The following UTRN variants were observed in gnomAD, a reference collection of about 807,000 sequenced individuals.
UTRN encodes the protein utrophin, also known as dystrophin-related protein 1.
In UTRN, 283 loss-of-function variants were observed where a neutral mutation model predicts 463.9. The observed-to-expected ratio is 0.61, with a 90% CI of 0.55 to 0.67. The LOEUF is 0.67. Ranked by LOEUF, UTRN falls within the 30% of genes least tolerant of loss-of-function variation. The probability of loss-of-function intolerance (pLI) is 0.00; values close to 1 mark genes in which losing one functional copy is unlikely to be tolerated. For missense variants in UTRN, 3,922 were observed against 4,084.3 expected, an observed-to-expected ratio of 0.96 and a Z score of 1.08; for synonymous variants, 1,442 against 1,431.5, an observed-to-expected ratio of 1.01 and a Z score of -0.17.
At chr6:144,302,409 G>C (rs1055398001) in intron 2 of UTRN, among the ~76,000 whole-genome samples, 8 of 151,624 alleles carry the variant, frequency 5.3e-5, no homozygotes. Flanking sequence ...TACTTGGGAG[G>C]CTGAGGCAGG....
intron 51 of UTRN, among the ~76,000 whole-genome samples, chr6:144,678,168 C>T (rs1305846727): frequency 2.6e-5 from 4 of 152,004 alleles, no homozygotes; most frequent in Admixed American, 2.6e-4. Context: ...CTTTAAATTT[C>T]ATATGGAACC....
At chr6:144,557,100 A>G in intron 49 of UTRN, 57 bp from the exon 50 acceptor site, 1 of 1,568,526 alleles carries the variant, frequency 6.4e-7, no homozygotes. Flanking sequence ...CATTGTTTTG[A>G]TTATACTAAT....
At chr6:144,606,771 A>G (rs1301423249) in intron 51 of UTRN, among the ~76,000 whole-genome samples, 4 of 152,192 alleles carry the variant, frequency 2.6e-5, no homozygotes, top group African/African-American at 7.2e-5. Context: ...AGCTTTCTTG[A>G]GTTTTTATCC....
chr6:144,784,702 T>G (rs1050726778), intron 61 of UTRN, among the ~76,000 whole-genome samples: 2 of 152,184 alleles, frequency 1.3e-5, no homozygotes, highest in Non-Finnish European at 2.9e-5. Context: ...GTGTGTGAAA[T>G]GCCGTGATTC....
intron 53 of UTRN, among the ~76,000 whole-genome samples, chr6:144,720,933 A>AT: frequency 6.6e-6 from 1 of 152,152 alleles, no homozygotes; most frequent in East Asian, 1.9e-4. Flanking sequence ...TTTATAGCTG[A>AT]TTTTTGCCTT....
At chr6:144,432,883 G>A (rs1562389643) in intron 9 of UTRN, among the ~76,000 whole-genome samples, 1 of 152,082 alleles carries the variant, frequency 6.6e-6, no homozygotes, top group Non-Finnish European at 1.5e-5. Context: ...GAGTGGTGAT[G>A]ACTCTTAACG....
intron 50 of UTRN, among the ~76,000 whole-genome samples, chr6:144,566,867 AC>A (rs1310439531): frequency 9.9e-5 from 15 of 151,960 alleles, no homozygotes; most frequent in Admixed American, 2.6e-4. Flanking sequence ...TTTGCAGGGA[AC>A]CCCATGCAGT....
chr6:144,344,176 CA>C (rs1286992533), intron 2 of UTRN: 5 of 1,301,244 alleles, frequency 3.8e-6, no homozygotes, highest in Non-Finnish European at 5.1e-6. Context: ...ACTTCCTCCA[CA>C]TCTTTTTCCT....
rs185210777 is a variant in UTRN at position 144,614,619 on chromosome 6, A to G, written c.7479+37331A>G. 1.1e-3 allele frequency among the ~76,000 whole-genome samples: 173 copies of G among 152,326 alleles called. 1 individual carries two copies. Among genetic ancestry groups the G allele is most frequent in the Non-Finnish European group, 6.3e-4 (43 of 68,012 alleles). The stretch of plus-strand genomic sequence containing the variant: ...AATGAATAAACAAAAGGAGCTAGAT[A>G]TTCCCTGAACATTGCAAGCTTCCTT... On this transcript the variant is annotated intron_variant, in intron 51 of 74. Transcript: ENST00000367545.
At chr6:144,608,631 G>T (rs1022109721) in intron 51 of UTRN, among the ~76,000 whole-genome samples, 2 of 152,154 alleles carry the variant, frequency 1.3e-5, no homozygotes, top group African/African-American at 4.8e-5. Context: ...TTTCTACAGG[G>T]GGAAAAGTGA....
chr6:144,631,021 C>T (rs1177200813), intron 51 of UTRN, among the ~76,000 whole-genome samples: 3 of 152,174 alleles, frequency 2.0e-5, no homozygotes, highest in Non-Finnish European at 4.4e-5. Flanking sequence ...TATTAGCGGT[C>T]ATGTCCCCTG....
intron 41 of UTRN, 92 bp from the exon 42 acceptor site, chr6:144,530,960 T>C: frequency 7.2e-7 from 1 of 1,393,846 alleles, no homozygotes; most frequent in African/African-American, 1.4e-5. Context: ...TCTTTCTGTT[T>C]AAATGAAATT....
At chr6:144,550,894 A>C (rs965205638) in intron 47 of UTRN, 71 bp from the exon 48 acceptor site, 1 of 1,332,186 alleles carries the variant, frequency 7.5e-7, no homozygotes, top group African/African-American at 1.5e-5. Flanking sequence ...TGATGTCAGC[A>C]CAACTGTTTT....
intron 64 of UTRN, among the ~76,000 whole-genome samples, chr6:144,801,471 A>G (rs1036621411): frequency 4.6e-5 from 7 of 152,184 alleles, no homozygotes; most frequent in African/African-American, 1.7e-4. Flanking sequence ...GAATATGTCT[A>G]TTATAGAATA....
At chr6:144,774,400 T>C (rs199912215) in intron 60 of UTRN, 36 bp downstream of exon 60, 2 of 1,519,968 alleles carry the variant, frequency 1.3e-6, no homozygotes, top group Non-Finnish European at 1.7e-6. Flanking sequence ...AATCTGTTAC[T>C]TGAATTGCGT....
chr6:144,379,697 C>G (rs1003545980), intron 2 of UTRN, among the ~76,000 whole-genome samples: 3 of 152,212 alleles, frequency 2.0e-5, no homozygotes, highest in Admixed American at 2.0e-4. Flanking sequence ...AAGCCCCCCG[C>G]TTGAATAGAC....
At chr6:144,492,797 C>G (rs190263774) in intron 32 of UTRN, among the ~76,000 whole-genome samples, 110 of 152,166 alleles carry the variant, frequency 7.2e-4, no homozygotes, top group Non-Finnish European at 1.3e-3. Flanking sequence ...CTTGATATAT[C>G]GAGTTTTGTA....
chr6:144,686,833 A>T (rs13213354), intron 52 of UTRN, among the ~76,000 whole-genome samples: 2 of 151,616 alleles, frequency 1.3e-5, no homozygotes, highest in Non-Finnish European at 2.9e-5. Context: ...GTTTTTATCC[A>T]TTCTGCCACT....
chr6:144,403,216 C>A, intron 3 of UTRN, 32 bp downstream of exon 3: 1 of 1,589,860 alleles, frequency 6.3e-7, no homozygotes, highest in South Asian at 1.1e-5. Context: ...TTCGATGGTT[C>A]AGATGCCGCA....
Sources: gnomAD v4.1 joint callset for allele counts (sites outside exome capture counted in the v4.1 genomes callset) on GRCh38, gnomAD v4.1.1 for gene constraint, MANE v1.5 for transcripts, NCBI Gene and HGNC (gene_info 2026-07-23, HGNC 2026-07-21) for gene names.